Variants in CEP70 observed in about 807,000 individuals in gnomAD.
CEP70 encodes the protein centrosomal protein 70.
A neutral mutation model predicts 90.9 loss-of-function variants in CEP70; 70 were observed. The observed-to-expected ratio is 0.77, with a 90% confidence interval of 0.64 to 0.94. CEP70 has a LOEUF of 0.94. Ranked by LOEUF, CEP70 falls within the 40% of genes least tolerant of loss-of-function variation. CEP70 has a pLI of 0.00. For synonymous variants in CEP70, 220 were observed against 228.3 expected, an observed-to-expected ratio of 0.96 and a Z score of 0.33; for missense variants, 648 against 669.0, an observed-to-expected ratio of 0.97 and a Z score of 0.35.
At position 138,529,451 on chromosome 3, in the gene CEP70, T is replaced by C. The variant is rs2037611553; in HGVS notation, c.704A>G (p.Glu235Gly). 1.2e-6 allele frequency: 2 copies of C among 1,601,772 alleles called. No individual in the cohort carries two copies. Among genetic ancestry groups the C allele is most frequent in the East Asian group, 4.5e-5 (2 of 44,750 alleles). Residue 235 changes from glutamate (E) to glycine (G), a missense_variant, in exon 9 of 18, where the codon GAA becomes GGA. Transcript: ENST00000264982. Reference protein sequence around the residue: ...RKIHTQRQYKEDESQSEEEND... With the variant: ...RKIHTQRQYKGDESQSEEEND... ...TTCTTCTTCTGACTGACTTTCATCT[T>C]CTTTATATTGCCTATGAAAATATGT...
At position 138,500,397 on chromosome 3, in the gene CEP70, A is replaced by C; in HGVS notation, c.1537+2T>G. Reference sequence around the variant, plus strand: ...GCCCAAAATGACAAATTAGGTCATCACCTAATTCTAAGAGTTCTTGGAGGT... The same window carrying C: ...GCCCAAAATGACAAATTAGGTCATCCCCTAATTCTAAGAGTTCTTGGAGGT... On this transcript the variant is annotated splice_donor_variant, in intron 15 of 17. Coordinates refer to ENST00000264982, the MANE Select transcript of CEP70 (RefSeq NM_024491.4). LOFTEE classifies it high-confidence loss of function. The C allele has an allele frequency of 6.4e-7, 1 of 1,573,990 alleles. No individual in the cohort carries two copies. Among genetic ancestry groups the C allele is most frequent in the Non-Finnish European group, 8.6e-7 (1 of 1,166,822 alleles).
intron 2 of CEP70, among the ~76,000 whole-genome samples, chr3:138,584,660 T>C (rs998273927): frequency 6.6e-6 from 1 of 152,046 alleles, no homozygotes; most frequent in African/African-American, 2.4e-5. Flanking sequence ...ATCAATGTGA[T>C]ACATCATTAT....
Position 138,591,722 on chromosome 3 carries a change from A to G in CEP70, c.-6+132T>C, listed in dbSNP as rs550123956. On this transcript the variant is annotated intron_variant, in intron 2 of 17. Coordinates refer to ENST00000264982, the MANE Select transcript of CEP70 (RefSeq NM_024491.4). ...TTCAGCTTCTTTGCTGAGTTGTAAA[A>G]TATCTACCTGATAGGATTATCAGGA... 86 of 777,526 alleles carry G rather than the reference A, an allele frequency of 1.1e-4. No individual in the cohort carries two copies. The African/African-American group carries it at 1.4e-3, about 12-fold the overall frequency. 48.2% of individuals were successfully genotyped at this position (777,526 alleles called of 1,614,324 possible).
intron 11 of CEP70, among the ~76,000 whole-genome samples, chr3:138,523,305 A>C (rs1211490587): frequency 6.6e-6 from 1 of 152,208 alleles, no homozygotes; most frequent in Non-Finnish European, 1.5e-5. Flanking sequence ...TTCCCTTTGA[A>C]ACCTGGCACA....
chr3:138,496,070 C>A, intron 17 of CEP70: 4 of 985,364 alleles, frequency 4.1e-6, no homozygotes, highest in Non-Finnish European at 4.8e-6. Flanking sequence ...TCCTGGCCAC[C>A]AAAGGAGCAA....
In CEP70 at chr3:138,557,100, C is replaced by T. The variant is rs148997357; in HGVS notation, c.465+13218G>A. Among the ~76,000 whole-genome samples, 725 of 152,198 alleles carry T rather than the reference C, an allele frequency of 4.8e-3. 6 individuals carry two copies. The highest frequency in any genetic ancestry group is 0.041 in the Middle Eastern group (12 of 294). ...CATTTTAGAGGCCTACCCTCAGGGG[C>T]GCATTCTCTTTCTCAGGGATGTTCC... On this transcript the variant is annotated intron_variant, in intron 6 of 17. Coordinates refer to ENST00000264982, the MANE Select transcript of CEP70 (RefSeq NM_024491.4).
In CEP70 at chr3:138,498,005, T is replaced by G. The variant is rs748381537; in HGVS notation, c.1732+26A>C. 5.6e-6 allele frequency: 9 copies of G among 1,611,312 alleles called. No homozygotes were observed. In the East Asian group the frequency reaches 2.0e-4, roughly 36 times the overall value. ...GCACTGACATTTTAAGACTCAAAAT[T>G]TCACCATCACCACCAGAGATCTTAC... On this transcript the variant is annotated intron_variant, in intron 17 of 17. Transcript: ENST00000264982.
intron 2 of CEP70, among the ~76,000 whole-genome samples, chr3:138,591,233 A>C (rs1171807294): frequency 6.6e-6 from 1 of 152,208 alleles, no homozygotes; most frequent in African/African-American, 2.4e-5. Context: ...CATTTCATGC[A>C]TAAAACTATT....
chr3:138,562,177 C>G (rs1271362897), intron 6 of CEP70, among the ~76,000 whole-genome samples: 2 of 151,834 alleles, frequency 1.3e-5, no homozygotes, highest in Non-Finnish European at 2.9e-5. Flanking sequence ...AAGGAATGAA[C>G]AAAGCCTCCA....
chr3:138,559,453 C>A (rs934725560), intron 6 of CEP70, among the ~76,000 whole-genome samples: 1 of 152,204 alleles, frequency 6.6e-6, no homozygotes, highest in Non-Finnish European at 1.5e-5. Flanking sequence ...CAAAAACAAG[C>A]TGAGCCTGGT....
intron 6 of CEP70, among the ~76,000 whole-genome samples, chr3:138,549,971 T>C (rs909619904): frequency 5.3e-5 from 8 of 151,958 alleles, no homozygotes; most frequent in Admixed American, 4.6e-4. Context: ...ATAACAATCA[T>C]TACAGCTCAG....
chr3:138,580,384 G>T (rs1318002198), intron 2 of CEP70, among the ~76,000 whole-genome samples: 1 of 152,144 alleles, frequency 6.6e-6, no homozygotes, highest in East Asian at 1.9e-4. Context: ...GTAATCCAAA[G>T]AATTATTCCA....
chr3:138,581,281 CAAAA>C (rs549088013), intron 2 of CEP70, among the ~76,000 whole-genome samples: 1 of 60,240 alleles, frequency 1.7e-5, no homozygotes, highest in Non-Finnish European at 3.5e-5. Flanking sequence ...GACTCCATCT[CAAAA>C]AAAAAAAAAA....
At chr3:138,545,274 C>T (rs899217706) in intron 6 of CEP70, among the ~76,000 whole-genome samples, 12 of 152,080 alleles carry the variant, frequency 7.9e-5, no homozygotes, top group Non-Finnish European at 1.5e-4. Context: ...TTATCAGTTC[C>T]CAAAATTAAT....
rs756952264 is a variant in CEP70, at chr3:138,494,977, G to A, written c.*38C>T. The A allele has an allele frequency of 9.1e-7, 1 of 1,094,940 alleles. No individual in the cohort carries two copies. The highest frequency in any genetic ancestry group is 2.4e-5 in the East Asian group (1 of 42,124). 67.8% of individuals were successfully genotyped at this position (1,094,940 alleles called of 1,614,324 possible). A position where few individuals can be genotyped will look rare whatever the true frequency, so the allele number is the denominator to read the frequency against. ...AATCCTACAAAATACAAAATGTTAA[G>A]AATACAATTTACACAGTAAAAATGA... On this transcript the variant is annotated 3_prime_UTR_variant, in exon 18 of 18. Transcript: ENST00000264982.
chr3:138,593,411 C>T (rs918123655), intron 1 of CEP70, among the ~76,000 whole-genome samples: 5 of 152,090 alleles, frequency 3.3e-5, no homozygotes, highest in African/African-American at 1.2e-4. Context: ...TTAGTAGAGA[C>T]GTGGTTTCAT....
chr3:138,569,333 G>A (rs151014448), intron 6 of CEP70, among the ~76,000 whole-genome samples: 6 of 152,188 alleles, frequency 3.9e-5, no homozygotes, highest in South Asian at 2.1e-4. Flanking sequence ...ATATGCAAAC[G>A]TATATATAGT....
chr3:138,508,379 C>A, intron 12 of CEP70, 60 bp downstream of exon 12: 1 of 1,078,016 alleles, frequency 9.3e-7, no homozygotes, highest in South Asian at 1.2e-5. Context: ...TACACCACAA[C>A]TGATAACCAA....
chr3:138,501,969 C>T (rs1338102559), intron 13 of CEP70, among the ~76,000 whole-genome samples: 1 of 152,028 alleles, frequency 6.6e-6, no homozygotes, highest in Non-Finnish European at 1.5e-5. Flanking sequence ...TACTTCTAGG[C>T]CCAAGCACTG....
Sources: allele counts gnomAD v4.1 joint callset (sites outside exome capture counted in the v4.1 genomes callset), GRCh38; gene constraint gnomAD v4.1.1; transcripts MANE v1.5; gene names NCBI Gene and HGNC (gene_info 2026-07-23, HGNC 2026-07-21).